AAMDC: variants seen among roughly 807,000 people sequenced by gnomAD.
AAMDC encodes the protein mth938 domain-containing protein.
In AAMDC, 16 loss-of-function variants were observed where a neutral mutation model predicts 15.5. The ratio of observed to expected loss-of-function variants is 1.03; its 90% CI spans 0.70 to 1.57. AAMDC has a LOEUF of 1.57. Ranked by LOEUF, AAMDC falls within the 40% of genes most tolerant of loss-of-function variation. The probability of loss-of-function intolerance (pLI) is 0.00; values close to 1 mark genes in which losing one functional copy is unlikely to be tolerated. For missense variants in AAMDC, 141 were observed against 144.9 expected, an observed-to-expected ratio of 0.97 and a Z score of 0.14; for synonymous variants, 51 against 51.6, an observed-to-expected ratio of 0.99 and a Z score of 0.05.
At chr11:77,859,808 G>T (rs923536802) in intron 2 of AAMDC, among the ~76,000 whole-genome samples, 1 of 152,204 alleles carries the variant, frequency 6.6e-6, no homozygotes, top group East Asian at 1.9e-4. Context: ...AAGAAATGTG[G>T]CTGGGTTAAG....
At chr11:77,822,414 CAAAAA>C (rs66463325) in intron 1 of AAMDC, among the ~76,000 whole-genome samples, 7 of 74,784 alleles carry the variant, frequency 9.4e-5, no homozygotes, top group Admixed American at 8.1e-4. Context: ...GACTCCACCT[CAAAAA>C]AAAAAAAAAA....
At chr11:77,845,459 A>G (rs1434246067) in intron 2 of AAMDC, among the ~76,000 whole-genome samples, 1 of 150,954 alleles carries the variant, frequency 6.6e-6, no homozygotes, top group East Asian at 1.9e-4. Flanking sequence ...GGGATAGACT[A>G]TTGCTCTGTC....
intron 2 of AAMDC, among the ~76,000 whole-genome samples, chr11:77,858,194 ATTTT>A (rs71046920): frequency 3.8e-5 from 5 of 130,808 alleles, no homozygotes; most frequent in Admixed American, 7.8e-5. Context: ...AATATATATA[ATTTT>A]TTTTTTTTTT....
intron 5 of AAMDC, among the ~76,000 whole-genome samples, chr11:77,880,940 CAAACAAAA>C (rs1030909653): frequency 2.6e-4 from 40 of 152,150 alleles, no homozygotes; most frequent in South Asian, 4.2e-4. Flanking sequence ...AACAAACAAA[CAAACAAAA>C]AAACAAAAAA....
chr11:77,904,961 T>C (rs1952897961), downstream of AAMDC, among the ~76,000 whole-genome samples: 1 of 152,200 alleles, frequency 6.6e-6, no homozygotes, highest in South Asian at 2.1e-4. Context: ...GTGGACCTAA[T>C]TTTAGATATC....
intron 1 of AAMDC, chr11:77,829,898 A>C (rs1357458065): frequency 6.6e-6 from 1 of 152,252 alleles, no homozygotes; most frequent in Non-Finnish European, 1.5e-5. Flanking sequence ...TTTGGAGACC[A>C]AGGCCGGAGG....
intron 2 of AAMDC, among the ~76,000 whole-genome samples, chr11:77,845,596 C>T (rs2136156784): frequency 6.6e-6 from 1 of 151,922 alleles, no homozygotes; most frequent in South Asian, 2.1e-4. Flanking sequence ...ATGTCCAGCT[C>T]TTTTTGTATT....
At chr11:77,864,156 A>C (rs901290795) in intron 2 of AAMDC, among the ~76,000 whole-genome samples, 11 of 151,826 alleles carry the variant, frequency 7.2e-5, no homozygotes, top group African/African-American at 2.7e-4. Context: ...CGAACTCCTG[A>C]CCTCAGGTGA....
At chr11:77,859,577 C>T (rs1758647959) in intron 2 of AAMDC, among the ~76,000 whole-genome samples, 1 of 152,188 alleles carries the variant, frequency 6.6e-6, no homozygotes, top group South Asian at 2.1e-4. Context: ...GTTCTGCCAG[C>T]TGAGCACTAG....
intron 5 of AAMDC, among the ~76,000 whole-genome samples, chr11:77,892,976 A>G (rs1206353937): frequency 6.6e-6 from 1 of 152,226 alleles, no homozygotes; most frequent in Non-Finnish European, 1.5e-5. Context: ...CAGCCCTGTA[A>G]GAAGCTATCA....
chr11:77,878,622 T>A (rs1480381714), intron 5 of AAMDC: 8 of 594,268 alleles, frequency 1.3e-5, no homozygotes, highest in Non-Finnish European at 2.1e-5. Flanking sequence ...TAACTGGATC[T>A]TTGTGTTTCA....
At chr11:77,859,462 A>G (rs1950782455) in intron 2 of AAMDC, among the ~76,000 whole-genome samples, 3 of 152,084 alleles carry the variant, frequency 2.0e-5, no homozygotes, top group Admixed American at 2.0e-4. Context: ...TTTTCTCTCC[A>G]TATTGCTGCA....
intron 2 of AAMDC, chr11:77,850,876 T>C (rs768874178): frequency 1.3e-5 from 2 of 151,298 alleles, no homozygotes; most frequent in Admixed American, 6.6e-5. Context: ...ATTTCTCTCC[T>C]AAGGACATGA....
At chr11:77,886,260 G>T (rs1409012397) in intron 5 of AAMDC, among the ~76,000 whole-genome samples, 2 of 152,048 alleles carry the variant, frequency 1.3e-5, no homozygotes, top group African/African-American at 4.8e-5. Context: ...TTGGTGAAAG[G>T]CCTTCACTCC....
intron 5 of AAMDC, chr11:77,894,346 A>C: frequency 6.5e-7 from 1 of 1,541,428 alleles, no homozygotes; most frequent in Non-Finnish European, 8.9e-7. Context: ...ATAAGGGGTC[A>C]AGTCTGTAGA....
chr11:77,901,823 A>G (rs988786314), downstream of AAMDC, among the ~76,000 whole-genome samples: 14 of 151,980 alleles, frequency 9.2e-5, no homozygotes, highest in Admixed American at 9.2e-4. Flanking sequence ...CAAACTGCAA[A>G]GCACTGAAAG....
At chr11:77,840,388 G>C (rs1949878180) in intron 1 of AAMDC, among the ~76,000 whole-genome samples, 1 of 152,010 alleles carries the variant, frequency 6.6e-6, no homozygotes, top group Non-Finnish European at 1.5e-5. Context: ...AATTAGCCGG[G>C]CATGGTAGCA....
At chr11:77,887,380 G>A (rs1043110306) in intron 5 of AAMDC, among the ~76,000 whole-genome samples, 2 of 152,140 alleles carry the variant, frequency 1.3e-5, no homozygotes, top group African/African-American at 2.4e-5. Flanking sequence ...CAACCTTCAT[G>A]CTAAAAACTC....
rs1223511206 is a variant in AAMDC, at chr11:77,833,005, A to ATTT, written c.-18-9473_-18-9472insTTT. Among the ~76,000 whole-genome samples, 86 of 65,746 alleles carry ATTT rather than the reference A, an allele frequency of 1.3e-3. 11 individuals carry two copies. The highest frequency in any genetic ancestry group is 5.8e-3 in the African/African-American group (76 of 13,108). The allele number at this position is 65,746 out of a possible 152,430, so 43.1% of individuals were successfully genotyped here. A position where few individuals can be genotyped will look rare whatever the true frequency, so the allele number is the denominator to read the frequency against. ...TGTGTGTGTGTGTGTGTGTATATAT[A>ATTT]TATATTTTTTTTTTTTTTTTTTTTG... is the stretch of plus-strand genomic sequence containing the variant. On this transcript the variant is annotated intron_variant, in intron 1 of 3. Transcript: ENST00000393427.
Sources: gnomAD v4.1 joint callset for allele counts (sites outside exome capture counted in the v4.1 genomes callset) on GRCh38, gnomAD v4.1.1 for gene constraint, MANE v1.5 for transcripts, NCBI Gene and HGNC (gene_info 2026-07-23, HGNC 2026-07-21) for gene names.